JARID2: variants seen among roughly 807,000 people sequenced by gnomAD.
The protein encoded by JARID2 is jumonji and AT-rich interaction domain containing 2.
JARID2 carries 21 observed loss-of-function variants against 125.6 expected under a neutral mutation model. The ratio of observed to expected loss-of-function variants is 0.17; its 90% CI spans 0.12 to 0.24. JARID2 has a LOEUF of 0.24. JARID2 is among the 10% of genes least tolerant of loss of function. The pLI is 1.00. For synonymous variants in JARID2, 736 were observed against 661.6 expected, an observed-to-expected ratio of 1.11 and a Z score of -1.73; for missense variants, 1,303 against 1,639.6, an observed-to-expected ratio of 0.79 and a Z score of 3.55.
intron 1 of JARID2, among the ~76,000 whole-genome samples, chr6:15,357,797 C>T (rs566834515): frequency 9.2e-5 from 14 of 152,240 alleles, no homozygotes; most frequent in African/African-American, 2.6e-4. Context: ...TCTTTTAGGA[C>T]GACACTGGCA....
rs185540431 is a variant in JARID2, at chr6:15,361,579, A to G, written c.46-12538A>G. 4.4e-3 allele frequency among the ~76,000 whole-genome samples: 665 copies of G among 152,336 alleles called. 3 individuals are homozygous for G. The highest frequency in any genetic ancestry group is 5.1e-3 in the Non-Finnish European group (347 of 68,028). On this transcript the variant is annotated intron_variant, in intron 1 of 17. Coordinates refer to ENST00000341776, the MANE Select transcript of JARID2 (RefSeq NM_004973.4). ...GATAGCCATATTTGCTTTCCCTAGCAGCTTTAACTTAAAATGAAGTTGTAT... is the reference window on the plus strand; with the variant it reads ...GATAGCCATATTTGCTTTCCCTAGCGGCTTTAACTTAAAATGAAGTTGTAT...
chr6:15,506,670 G>T (rs1222105466), intron 9 of JARID2, among the ~76,000 whole-genome samples: 1 of 152,284 alleles, frequency 6.6e-6, no homozygotes, highest in Non-Finnish European at 1.5e-5. Flanking sequence ...CCCATTCTTT[G>T]CCCCCATATT....
intron 1 of JARID2, among the ~76,000 whole-genome samples, chr6:15,364,371 C>T (rs1763902234): frequency 6.6e-6 from 1 of 152,202 alleles, no homozygotes; most frequent in Non-Finnish European, 1.5e-5. Context: ...TTTGTCTGGC[C>T]TCAATCCCGG....
chr6:15,406,937 G>A (rs1765673517), intron 2 of JARID2, among the ~76,000 whole-genome samples: 1 of 151,992 alleles, frequency 6.6e-6, no homozygotes, highest in Admixed American at 6.6e-5. Context: ...GCAGGCAAGT[G>A]TCTTTTTTTT....
intron 2 of JARID2, chr6:15,401,074 T>G: frequency 7.8e-7 from 1 of 1,289,256 alleles, no homozygotes; most frequent in Non-Finnish European, 1.0e-6. Context: ...TTCAGGCTGG[T>G]ATGGCTTTTG....
intron 3 of JARID2, among the ~76,000 whole-genome samples, chr6:15,412,582 C>T (rs149591093): frequency 5.1e-4 from 78 of 152,242 alleles, no homozygotes; most frequent in African/African-American, 1.7e-3. Flanking sequence ...GGGTTATAGG[C>T]GTGAGTCACC....
At chr6:15,437,250 T>TCTC (rs1767248552) in intron 3 of JARID2, among the ~76,000 whole-genome samples, 1 of 152,178 alleles carries the variant, frequency 6.6e-6, no homozygotes, top group Non-Finnish European at 1.5e-5. Context: ...ATACTTTATG[T>TCTC]TGTGAGGCTG....
chr6:15,445,618 G>T (rs1767640528), intron 3 of JARID2, among the ~76,000 whole-genome samples: 1 of 152,212 alleles, frequency 6.6e-6, no homozygotes, highest in African/African-American at 2.4e-5. Flanking sequence ...GATGTATGTG[G>T]TGGTCTTGTT....
At chr6:15,314,877 T>C (rs988345711) in intron 1 of JARID2, 14 of 152,230 alleles carry the variant, frequency 9.2e-5, no homozygotes, top group Admixed American at 2.6e-4. Flanking sequence ...TGTGTTTAGT[T>C]GGGGTTGCCG....
chr6:15,473,514 G>GGGCCCCCCCCCCC, intron 5 of JARID2, among the ~76,000 whole-genome samples: 1 of 34,998 alleles, frequency 2.9e-5, no homozygotes, highest in Non-Finnish European at 7.4e-5. Context: ...TGATGTGCGT[G>GGGCCCCCCCCCCC]CCCCCCCCCC....
intron 1 of JARID2, among the ~76,000 whole-genome samples, chr6:15,266,654 A>C (rs185915764): frequency 1.3e-5 from 2 of 152,236 alleles, no homozygotes; most frequent in East Asian, 3.9e-4. Flanking sequence ...TTTAAGGCAA[A>C]ACATTTTCTT....
At chr6:15,485,928 A>T (rs1561895790) in intron 5 of JARID2, among the ~76,000 whole-genome samples, 1 of 152,190 alleles carries the variant, frequency 6.6e-6, no homozygotes, top group African/African-American at 2.4e-5. Context: ...ATAGGAAGAG[A>T]TTTACAACTC....
chr6:15,480,659 T>C (rs1248040656), intron 5 of JARID2, among the ~76,000 whole-genome samples: 6 of 152,244 alleles, frequency 3.9e-5, no homozygotes, highest in Non-Finnish European at 7.3e-5. Context: ...ATTCTTCTTA[T>C]ATTTGCGCAA....
intron 2 of JARID2, among the ~76,000 whole-genome samples, chr6:15,385,632 T>G (rs1028922939): frequency 6.6e-6 from 1 of 152,154 alleles, no homozygotes; most frequent in African/African-American, 2.4e-5. Flanking sequence ...GACTGCTGCT[T>G]TTCCCTGTGC....
At chr6:15,406,229 AT>A (rs1201084308) in intron 2 of JARID2, among the ~76,000 whole-genome samples, 1 of 152,128 alleles carries the variant, frequency 6.6e-6, no homozygotes, top group African/African-American at 2.4e-5. Flanking sequence ...AGGTCAAGAG[AT>A]CAAGACCGTA....
At chr6:15,247,491 C>G (rs971080729) in intron 1 of JARID2, 6 of 979,844 alleles carry the variant, frequency 6.1e-6, no homozygotes, top group Admixed American at 1.3e-4. Context: ...AATATGCACT[C>G]GAGTGATCTG....
At chr6:15,271,077 T>TTTGTC (rs1196587566) in intron 1 of JARID2, among the ~76,000 whole-genome samples, 1 of 152,212 alleles carries the variant, frequency 6.6e-6, no homozygotes, top group African/African-American at 2.4e-5. Context: ...TGCTATGATT[T>TTTGTC]TTGTCTTTCA....
intron 8 of JARID2, among the ~76,000 whole-genome samples, chr6:15,502,959 A>G (rs1055074104): frequency 6.6e-6 from 1 of 152,270 alleles, no homozygotes; most frequent in African/African-American, 2.4e-5. Flanking sequence ...GTGACTGAAT[A>G]GCCAACTGGT....
intron 1 of JARID2, among the ~76,000 whole-genome samples, chr6:15,331,856 C>T (rs1037725039): frequency 3.3e-5 from 5 of 152,088 alleles, no homozygotes; most frequent in African/African-American, 7.2e-5. Context: ...TCTGCAGTTT[C>T]GCTTTCTGTG....
Sources: allele counts gnomAD v4.1 joint callset (sites outside exome capture counted in the v4.1 genomes callset), GRCh38; gene constraint gnomAD v4.1.1; transcripts MANE v1.5; gene names NCBI Gene and HGNC (gene_info 2026-07-23, HGNC 2026-07-21).